UGT1A3: variants seen among roughly 807,000 people sequenced by gnomAD.
The protein encoded by UGT1A3 is UDP glucuronosyltransferase family 1 member A3.
Under a neutral mutation model 41.0 loss-of-function variants are expected in UGT1A3, and 31 were observed. That is an observed-to-expected ratio of 0.76 (90% CI 0.57 to 1.02). The LOEUF is 1.02. UGT1A3 is among the 50% of genes least tolerant of loss of function. UGT1A3 has a pLI of 0.00. For synonymous variants in UGT1A3, 262 were observed against 257.6 expected, an observed-to-expected ratio of 1.02 and a Z score of -0.17; for missense variants, 737 against 671.0, an observed-to-expected ratio of 1.10 and a Z score of -1.09.
At position 233,769,603 on chromosome 2, in the gene UGT1A3, G is replaced by T; in HGVS notation, c.1307+1164G>T. 1 of 1,612,818 alleles carries T rather than the reference G, an allele frequency of 6.2e-7. No individual in the cohort carries two copies. Among genetic ancestry groups the T allele is most frequent in the Non-Finnish European group, 8.5e-7 (1 of 1,179,870 alleles). On this transcript the variant is annotated intron_variant, in intron 4 of 4. Transcript: ENST00000482026. The surrounding 1 kb of genome is among the most constrained non-coding windows in gnomAD (Gnocchi z 4.4). Reference sequence around the variant, plus strand: ...CAGATGAGAGGAGACGGAACACGGGGACACACCAGCTTGAGCAAGGGACAA... The same window carrying T: ...CAGATGAGAGGAGACGGAACACGGGTACACACCAGCTTGAGCAAGGGACAA...
intron 1 of UGT1A3, among the ~76,000 whole-genome samples, chr2:233,763,526 CCT>C (rs1427600025): frequency 1.3e-5 from 2 of 152,212 alleles, no homozygotes; most frequent in Non-Finnish European, 2.9e-5. Context: ...TTGCCATTCT[CCT>C]TTTTCCGGAT....
intron 1 of UGT1A3, chr2:233,747,473 T>G: frequency 1.4e-5 from 23 of 1,608,772 alleles, no homozygotes; most frequent in Non-Finnish European, 1.9e-5. Flanking sequence ...GGACCCAGGA[T>G]GAATTTGATC....
chr2:233,747,095 T>C, intron 1 of UGT1A3: 1 of 1,292,004 alleles, frequency 7.7e-7, no homozygotes, highest in South Asian at 1.4e-5. Context: ...GAGCACTCTA[T>C]CTTCCAATTA....
intron 1 of UGT1A3, 106 bp from the exon 2 acceptor site, chr2:233,766,928 C>T (rs1699282359): frequency 1.3e-6 from 2 of 1,578,030 alleles, no homozygotes; most frequent in East Asian, 4.5e-5. Flanking sequence ...ACACGCATGC[C>T]TTTAATCATA....
Position 233,738,328 on chromosome 2 carries a change from T to C in UGT1A3, c.867+8335T>C, listed in dbSNP as rs1690764022. 1.3e-5 allele frequency among the ~76,000 whole-genome samples: 2 copies of C among 152,220 alleles called. 1 individual carries two copies. Among genetic ancestry groups the C allele is most frequent in the South Asian group, 4.1e-4 (2 of 4,828 alleles). On this transcript the variant is annotated intron_variant, in intron 1 of 4. Coordinates refer to ENST00000482026, the MANE Select transcript of UGT1A3 (RefSeq NM_019093.4). ...TTATAGCAGTGTGTGAATGGACTAA[T>C]ACAGTAAATTGGTGTCATGGAGAGT...
At chr2:233,768,166 A>G in intron 3 of UGT1A3, 54 bp from the exon 4 acceptor site, 2 of 1,613,684 alleles carry the variant, frequency 1.2e-6, no homozygotes, top group Non-Finnish European at 1.7e-6. Flanking sequence ...AGATGTGTCC[A>G]GCTGTGAAAC....
intron 1 of UGT1A3, chr2:233,756,069 T>C (rs991797292): frequency 4.6e-5 from 7 of 152,198 alleles, no homozygotes; most frequent in African/African-American, 7.2e-5. Context: ...TGTGGGAGAA[T>C]GACAATGAGA....
intron 1 of UGT1A3, chr2:233,760,701 C>T (rs768185321): frequency 1.2e-5 from 19 of 1,614,172 alleles, no homozygotes; most frequent in Non-Finnish European, 1.6e-5. Flanking sequence ...AGCTCATGGC[C>T]TCCCTGGCAG....
chr2:233,756,338 C>G (rs1225810729), intron 1 of UGT1A3: 2 of 152,178 alleles, frequency 1.3e-5, no homozygotes, highest in Non-Finnish European at 2.9e-5. Flanking sequence ...CTAGTCATCT[C>G]TTGATTACTT....
intron 1 of UGT1A3, among the ~76,000 whole-genome samples, chr2:233,757,218 C>G (rs1037156819): frequency 2.0e-5 from 3 of 149,068 alleles, no homozygotes; most frequent in African/African-American, 7.5e-5. Context: ...AAGCTGCTGA[C>G]CAAGGTTCCA....
chr2:233,743,431 C>G (rs755334550), intron 1 of UGT1A3: 1 of 1,354,434 alleles, frequency 7.4e-7, no homozygotes, highest in East Asian at 4.7e-5. Flanking sequence ...GCCAAAGGAA[C>G]GAAATCCTGT....
chr2:233,761,244 C>A lies in UGT1A3; in HGVS notation c.868-5790C>A, dbSNP rs555483711. 5.0e-6 allele frequency: 8 copies of A among 1,610,826 alleles called. No homozygotes were observed. In the African/African-American group the frequency reaches 1.1e-4, roughly 21 times the overall value. On this transcript the variant is annotated intron_variant, in intron 1 of 4. Transcript: ENST00000482026. ...TAGCCCCAGATATATGCTGAGCAAG[C>A]ATTCTGAGATAATTTAAAATGCCCT...
At chr2:233,759,612 A>T (rs992811783) in intron 1 of UGT1A3, among the ~76,000 whole-genome samples, 1 of 32,712 alleles carries the variant, frequency 3.1e-5, no homozygotes, top group African/African-American at 8.8e-5. Flanking sequence ...CGCCCCACCC[A>T]CCCACCTGTT....
chr2:233,757,129 T>C (rs1190338249), intron 1 of UGT1A3, among the ~76,000 whole-genome samples: 1 of 150,874 alleles, frequency 6.6e-6, no homozygotes, highest in Non-Finnish European at 1.5e-5. Context: ...AGAGGAGGAA[T>C]GAGCTTGGAC....
chr2:233,756,867 A>G (rs1696345669), intron 1 of UGT1A3, among the ~76,000 whole-genome samples: 1 of 152,076 alleles, frequency 6.6e-6, no homozygotes, highest in African/African-American at 2.4e-5. Flanking sequence ...CATAAAGGGT[A>G]TTAGGTGTAA....
At position 233,743,541 on chromosome 2, in the gene UGT1A3, A is replaced by AC. The variant is rs544018510; in HGVS notation, c.867+13555dup. On this transcript the variant is annotated intron_variant, in intron 1 of 4. Coordinates refer to ENST00000482026, the MANE Select transcript of UGT1A3 (RefSeq NM_019093.4). ...TTCTGCTTCCCCAGCAGTTCCTCTG[A>AC]CCCCCCCAAAATATTCTCCAGCGGG... 1.1e-3 allele frequency: 1,461 copies of AC among 1,366,810 alleles called. 41 individuals carry two copies. The African/African-American group carries it at 0.017, about 16-fold the overall frequency. The allele number at this position is 1,366,810 out of a possible 1,614,324, so 84.7% of individuals were successfully genotyped here. A position where few individuals can be genotyped will look rare whatever the true frequency, so the allele number is the denominator to read the frequency against.
chr2:233,765,183 T>A (rs1157736453), intron 1 of UGT1A3, among the ~76,000 whole-genome samples: 1 of 152,162 alleles, frequency 6.6e-6, no homozygotes. Flanking sequence ...CCCTGCCACA[T>A]CACACAATCA....
In UGT1A3 at chr2:233,769,637, G is replaced by T; in HGVS notation, c.1307+1198G>T. On this transcript the variant is annotated intron_variant, in intron 4 of 4. Transcript: ENST00000482026. The surrounding 1 kb of genome is among the most constrained non-coding windows in gnomAD (Gnocchi z 4.4). ...GCTTGAGCAAGGGACAACAGGGGAG[G>T]ACTGATGACTGACTTCCCACCTTTG... is the stretch of plus-strand genomic sequence containing the variant. The T allele has an allele frequency of 1.2e-6, 2 of 1,610,100 alleles. No homozygotes were observed. The highest frequency in any genetic ancestry group is 2.2e-5 in the South Asian group (2 of 90,570).
intron 1 of UGT1A3, chr2:233,740,811 C>T (rs1350970609): frequency 1.3e-5 from 2 of 151,872 alleles, no homozygotes; most frequent in Admixed American, 1.3e-4. Flanking sequence ...TAGCACTGTT[C>T]TGTTTTTGAG....
Sources: gnomAD v4.1 joint callset for allele counts (sites outside exome capture counted in the v4.1 genomes callset) on GRCh38, gnomAD v4.1.1 for gene constraint, Gnocchi (gnomAD v3.1) non-coding constraint, MANE v1.5 for transcripts, NCBI Gene and HGNC (gene_info 2026-07-23, HGNC 2026-07-21) for gene names.